Variants in PSTPIP2 observed in about 807,000 individuals in gnomAD.
PSTPIP2 encodes proline-serine-threonine phosphatase interacting protein 2, also known as proline-serine-threonine phosphatase-interacting protein 2.
Under a neutral mutation model 63.3 loss-of-function variants are expected in PSTPIP2, and 33 were observed. The observed-to-expected ratio is 0.52, with a 90% confidence interval of 0.40 to 0.70. The LOEUF (loss-of-function observed/expected upper bound fraction) is 0.70, where lower values mean the gene tolerates loss of function less well. Among genes scored for constraint, PSTPIP2 ranks in the 30% least tolerant of loss-of-function variants. The pLI is 0.00. For synonymous variants in PSTPIP2, 125 were observed against 132.7 expected (o/e 0.94, Z 0.40); for missense variants, 312 against 400.7 (o/e 0.78, Z 1.89).
At chr18:46,018,401 T>C (rs2051874401) in intron 3 of PSTPIP2, among the ~76,000 whole-genome samples, 1 of 141,480 alleles carries the variant, frequency 7.1e-6, no homozygotes, top group Non-Finnish European at 1.5e-5. Flanking sequence ...CGTTGATATC[T>C]TTTTTTTTTT....
At chr18:45,997,890 C>G in intron 8 of PSTPIP2, 62 bp from the exon 9 acceptor site, 1 of 1,464,474 alleles carries the variant, frequency 6.8e-7, no homozygotes, top group African/African-American at 1.4e-5. Context: ...GCAGATACAC[C>G]CACAGGCTGG....
At chr18:46,041,551 T>C (rs1908195565) in intron 1 of PSTPIP2, among the ~76,000 whole-genome samples, 1 of 152,120 alleles carries the variant, frequency 6.6e-6, no homozygotes, top group Non-Finnish European at 1.5e-5. Flanking sequence ...AATTTTTAAA[T>C]TAGCAGTTTA....
intron 3 of PSTPIP2, among the ~76,000 whole-genome samples, chr18:46,022,682 G>A (rs79843032): frequency 2.6e-5 from 4 of 152,150 alleles, no homozygotes; most frequent in Non-Finnish European, 5.9e-5. Flanking sequence ...AGTTGCCACA[G>A]GACACCAGGG....
At chr18:46,064,282 C>CTTTTTTTTTTTTTTTTTTTTTTTT (rs56236802) in intron 1 of PSTPIP2, among the ~76,000 whole-genome samples, 4 of 71,524 alleles carry the variant, frequency 5.6e-5, no homozygotes, top group Non-Finnish European at 7.3e-5. Context: ...CTTTTTCTTT[C>CTTTTTTTTTTTTTTTTTTTTTTTT]TTTTTTTTTT....
At chr18:46,004,031 G>A (rs1043047640) in intron 6 of PSTPIP2, among the ~76,000 whole-genome samples, 1 of 151,890 alleles carries the variant, frequency 6.6e-6, no homozygotes, top group Admixed American at 6.6e-5. Flanking sequence ...CTCCCGAAGT[G>A]CTGGGATTAC....
At chr18:45,996,294 G>A (rs914547429) in intron 9 of PSTPIP2, among the ~76,000 whole-genome samples, 1 of 152,228 alleles carries the variant, frequency 6.6e-6, no homozygotes, top group African/African-American at 2.4e-5. Flanking sequence ...TGGGGCAGGC[G>A]TGTCTGTCAA....
intron 3 of PSTPIP2, 113 bp from the exon 4 acceptor site, chr18:46,016,050 C>T (rs1196808975): frequency 1.6e-6 from 2 of 1,244,182 alleles, no homozygotes; most frequent in Non-Finnish European, 2.3e-6. Context: ...AAACTACAGA[C>T]CAATTTTTGC....
intron 8 of PSTPIP2, among the ~76,000 whole-genome samples, chr18:45,998,302 G>A (rs1466573290): frequency 1.3e-5 from 2 of 152,210 alleles, no homozygotes; most frequent in Non-Finnish European, 2.9e-5. Flanking sequence ...GGATATTCTG[G>A]GAATTAGAAG....
intron 1 of PSTPIP2, among the ~76,000 whole-genome samples, chr18:46,062,583 G>A (rs540998205): frequency 1.3e-5 from 2 of 152,030 alleles, no homozygotes; most frequent in African/African-American, 2.4e-5. Context: ...GGAGTGCAGT[G>A]GTGCAGTCTC....
intron 9 of PSTPIP2, among the ~76,000 whole-genome samples, chr18:45,994,405 A>C (rs572710689): frequency 6.6e-6 from 1 of 152,266 alleles, no homozygotes; most frequent in East Asian, 1.9e-4. Flanking sequence ...TTTCCACTCT[A>C]TGAGGAGAAA....
intron 5 of PSTPIP2, among the ~76,000 whole-genome samples, chr18:46,007,805 A>G (rs1005262696): frequency 6.6e-6 from 1 of 152,154 alleles, no homozygotes; most frequent in Non-Finnish European, 1.5e-5. Flanking sequence ...TCTGCCTTCA[A>G]GGATTCCTGG....
chr18:46,028,912 C>T (rs1268647126), intron 2 of PSTPIP2: 3 of 1,531,498 alleles, frequency 2.0e-6, no homozygotes, highest in Non-Finnish European at 2.7e-6. Context: ...AAGAGGAATC[C>T]TGAAGATGAA....
intron 5 of PSTPIP2, among the ~76,000 whole-genome samples, chr18:46,006,247 T>G (rs2144076445): frequency 6.6e-6 from 1 of 152,168 alleles, no homozygotes. Context: ...AGAGATGGGG[T>G]TTCACCTTGT....
At chr18:46,043,785 C>T (rs1270567151) in intron 1 of PSTPIP2, among the ~76,000 whole-genome samples, 1 of 152,030 alleles carries the variant, frequency 6.6e-6, no homozygotes, top group Non-Finnish European at 1.5e-5. Flanking sequence ...TAAAACTAGT[C>T]AGTTTAACAA....
rs913946856 is a variant in PSTPIP2, at chr18:45,983,882, C to T, written c.*1577G>A. ...GGGAAATAGGCCGGGCGCAGTGGCTCACGCCTGTAATCCCAGCACTTTGGG... is the reference window on the plus strand; with the variant it reads ...GGGAAATAGGCCGGGCGCAGTGGCTTACGCCTGTAATCCCAGCACTTTGGG... On this transcript the variant is annotated 3_prime_UTR_variant, in exon 15 of 15. Transcript: ENST00000409746. 2.6e-5 allele frequency: 4 copies of T among 152,290 alleles called. No homozygotes were observed. The highest frequency in any genetic ancestry group is 9.7e-5 in the African/African-American group (4 of 41,450). The allele number at this position is 152,290 out of a possible 1,614,324, so 9.4% of individuals were successfully genotyped here.
intron 1 of PSTPIP2, among the ~76,000 whole-genome samples, chr18:46,040,650 G>C (rs1361579778): frequency 6.6e-6 from 1 of 152,172 alleles, no homozygotes; most frequent in East Asian, 1.9e-4. Context: ...TGTCAGTGTT[G>C]GGCTTTGCTG....
intron 3 of PSTPIP2, among the ~76,000 whole-genome samples, chr18:46,021,642 C>A (rs996967615): frequency 6.6e-6 from 1 of 151,148 alleles, no homozygotes; most frequent in African/African-American, 2.4e-5. Context: ...TGACAATGAT[C>A]AACATTAAAA....
At chr18:46,040,325 C>T in intron 1 of PSTPIP2, 1 of 297,792 alleles carries the variant, frequency 3.4e-6, no homozygotes, top group Non-Finnish European at 6.3e-6. Flanking sequence ...ACCAAGCCAC[C>T]CAAGTAAGTC....
chr18:46,007,903 C>T (rs2051746960), intron 5 of PSTPIP2, among the ~76,000 whole-genome samples: 1 of 152,194 alleles, frequency 6.6e-6, no homozygotes, highest in South Asian at 2.1e-4. Flanking sequence ...AGGTGAGACA[C>T]TTTGCTCAAG....
Sources: allele counts gnomAD v4.1 joint callset (sites outside exome capture counted in the v4.1 genomes callset), GRCh38; gene constraint gnomAD v4.1.1; transcripts MANE v1.5; gene names NCBI Gene and HGNC (gene_info 2026-07-23, HGNC 2026-07-21).